The following TUNAR variants were observed in gnomAD, a reference collection of about 807,000 sequenced individuals.
The protein encoded by TUNAR is protein TUNAR.
intron 2 of TUNAR, among the ~76,000 whole-genome samples, chr14:95,896,892 C>T (rs1315297860): frequency 1.3e-5 from 2 of 152,226 alleles, no homozygotes; most frequent in African/African-American, 4.8e-5. Context: ...CCATGACACT[C>T]TCCAGCTCCC....
Position 95,921,249 on chromosome 14 carries a change from G to A in TUNAR, c.13-1532G>A, listed in dbSNP as rs79750521. ...AGAATAACGCATGACCAGCTATCTG[G>A]GCGTGCATGACCCAGTCAAGCTGAC... On this transcript the variant is annotated intron_variant, in intron 2 of 2. Transcript: ENST00000678517. 1.1e-3 allele frequency among the ~76,000 whole-genome samples: 169 copies of A among 152,256 alleles called. 1 individual carries two copies. In the East Asian group the frequency reaches 0.017, roughly 16 times the overall value.
At chr14:95,896,811 GA>G (rs1387280314) in intron 2 of TUNAR, among the ~76,000 whole-genome samples, 1 of 152,204 alleles carries the variant, frequency 6.6e-6, no homozygotes, top group Non-Finnish European at 1.5e-5. Flanking sequence ...TGCAGCTTGG[GA>G]ATGCAAAGGG....
chr14:95,902,332 C>T (rs933067375), intron 2 of TUNAR, among the ~76,000 whole-genome samples: 9 of 152,010 alleles, frequency 5.9e-5, no homozygotes, highest in East Asian at 3.9e-4. Context: ...CCAGGCTGGA[C>T]GCAAACACAG....
At chr14:95,908,832 C>CATACCTGGA (rs1889467876) in intron 2 of TUNAR, among the ~76,000 whole-genome samples, 4 of 152,286 alleles carry the variant, frequency 2.6e-5, no homozygotes, top group African/African-American at 9.6e-5. Context: ...CAGTGAGGGC[C>CATACCTGGA]ATACCTGGAA....
intron 2 of TUNAR, among the ~76,000 whole-genome samples, chr14:95,884,929 G>A (rs1889051214): frequency 6.6e-6 from 1 of 151,854 alleles, no homozygotes. Flanking sequence ...TGTATCAACA[G>A]CAGCCCTCTT....
At chr14:95,887,450 A>ATGAT (rs1378732919) in intron 2 of TUNAR, among the ~76,000 whole-genome samples, 6 of 152,334 alleles carry the variant, frequency 3.9e-5, no homozygotes, top group African/African-American at 1.4e-4. Context: ...ATGCATAAGA[A>ATGAT]GCTGATGACA....
In TUNAR at chr14:95,900,551, C is replaced by T. The variant is rs115231182; in HGVS notation, c.13-22230C>T. ...CAGGGTAGCAAAGGACTTGGCCATGCGAAGGTTTGGGTTTCTTGTCTGGTG... is the reference window on the plus strand; with the variant it reads ...CAGGGTAGCAAAGGACTTGGCCATGTGAAGGTTTGGGTTTCTTGTCTGGTG... On this transcript the variant is annotated intron_variant, in intron 2 of 2. Coordinates refer to ENST00000678517, the Ensembl canonical transcript of TUNAR. Among the ~76,000 whole-genome samples the T allele has an allele frequency of 3.1e-3, 470 of 152,274 alleles. 3 individuals carry two copies. Among genetic ancestry groups the T allele is most frequent in the African/African-American group, 0.011 (438 of 41,542 alleles).
chr14:95,894,513 G>A (rs901167192), intron 2 of TUNAR, among the ~76,000 whole-genome samples: 2 of 152,294 alleles, frequency 1.3e-5, no homozygotes, highest in Admixed American at 6.5e-5. Flanking sequence ...GCGAACTTGC[G>A]GAAGAGTGTG....
intron 2 of TUNAR, among the ~76,000 whole-genome samples, chr14:95,894,121 C>T (rs1889222014): frequency 6.6e-6 from 1 of 152,256 alleles, no homozygotes; most frequent in Admixed American, 6.5e-5. Context: ...ATCATCCAAG[C>T]TGGGTTAGCG....
intron 2 of TUNAR, among the ~76,000 whole-genome samples, chr14:95,886,450 G>A (rs371496874): frequency 2.6e-5 from 4 of 152,232 alleles, no homozygotes; most frequent in African/African-American, 9.6e-5. Flanking sequence ...AAGAGAGAGA[G>A]ACAGAAAAGC....
chr14:95,886,728 G>T (rs986682747), intron 2 of TUNAR, among the ~76,000 whole-genome samples: 1 of 152,210 alleles, frequency 6.6e-6, no homozygotes, highest in Non-Finnish European at 1.5e-5. Flanking sequence ...AATTGTGGCC[G>T]AGTAGCACAT....
chr14:95,919,454 A>G (rs1250871141), intron 2 of TUNAR, among the ~76,000 whole-genome samples: 1 of 152,232 alleles, frequency 6.6e-6, no homozygotes, highest in African/African-American at 2.4e-5. Flanking sequence ...CACACTTATG[A>G]TCCCAGCACT....
intron 2 of TUNAR, among the ~76,000 whole-genome samples, chr14:95,884,360 A>C (rs1889034898): frequency 6.6e-6 from 1 of 152,046 alleles, no homozygotes; most frequent in African/African-American, 2.4e-5. Context: ...CCCAGCTGCC[A>C]GGCATTCACT....
chr14:95,890,278 C>T (rs1889157217), intron 2 of TUNAR, among the ~76,000 whole-genome samples: 1 of 152,220 alleles, frequency 6.6e-6, no homozygotes, highest in South Asian at 2.1e-4. Flanking sequence ...CCCCAGGTCT[C>T]ACCATCTTGT....
intron 2 of TUNAR, among the ~76,000 whole-genome samples, chr14:95,886,953 CT>C (rs1889088173): frequency 1.3e-5 from 2 of 152,146 alleles, no homozygotes; most frequent in African/African-American, 4.8e-5. Flanking sequence ...GATGTCTGGC[CT>C]TTTGTTTGCT....
chr14:95,922,323 G>A (rs1268361022), intron 2 of TUNAR, among the ~76,000 whole-genome samples: 1 of 152,194 alleles, frequency 6.6e-6, no homozygotes, highest in Non-Finnish European at 1.5e-5. Context: ...CGCAGTCAGA[G>A]CTTTAGCATG....
At chr14:95,902,858 C>G (rs528626510) in intron 2 of TUNAR, among the ~76,000 whole-genome samples, 2 of 152,280 alleles carry the variant, frequency 1.3e-5, no homozygotes, top group South Asian at 2.1e-4. Flanking sequence ...ATCAGGGACT[C>G]TAAGCTGGAT....
intron 2 of TUNAR, among the ~76,000 whole-genome samples, chr14:95,885,312 G>A (rs1255076502): frequency 6.6e-6 from 1 of 152,200 alleles, no homozygotes; most frequent in Non-Finnish European, 1.5e-5. Context: ...TTAGCAAAGT[G>A]GGGTGGAGGA....
chr14:95,909,728 G>A (rs893937021), intron 2 of TUNAR, among the ~76,000 whole-genome samples: 1 of 152,176 alleles, frequency 6.6e-6, no homozygotes, highest in African/African-American at 2.4e-5. Flanking sequence ...CAGGCTCAGG[G>A]GCCAGAGGAC....
Sources: gnomAD v4.1 joint callset for allele counts (sites outside exome capture counted in the v4.1 genomes callset) on GRCh38, gnomAD v4.1.1 for gene constraint, MANE v1.5 for transcripts, NCBI Gene and HGNC (gene_info 2026-07-23, HGNC 2026-07-21) for gene names.